Variants in ENPP3 observed in about 807,000 individuals in gnomAD.
The protein encoded by ENPP3 is ectonucleotide pyrophosphatase/phosphodiesterase 3, also known as ectonucleotide pyrophosphatase/phosphodiesterase family member 3.
Under a neutral mutation model 117.8 loss-of-function variants are expected in ENPP3, and 104 were observed. The ratio of observed to expected loss-of-function variants is 0.88; its 90% CI spans 0.75 to 1.04. ENPP3 has a LOEUF of 1.04. Ranked by LOEUF, ENPP3 falls within the 50% of genes least tolerant of loss-of-function variation. The probability of loss-of-function intolerance (pLI) is 0.00; values close to 1 mark genes in which losing one functional copy is unlikely to be tolerated. For synonymous variants in ENPP3, 380 were observed against 349.9 expected, an observed-to-expected ratio of 1.09 and a Z score of -0.96; for missense variants, 1,026 against 1,051.9, an observed-to-expected ratio of 0.98 and a Z score of 0.34.
At chr6:131,679,987 G>GCCTTGCAGGT (rs1778989592) in intron 11 of ENPP3, among the ~76,000 whole-genome samples, 1 of 152,172 alleles carries the variant, frequency 6.6e-6, no homozygotes, top group Non-Finnish European at 1.5e-5. Flanking sequence ...ATCCTGCAGG[G>GCCTTGCAGGT]CCTTGCAGGT....
rs566913948 is a variant in ENPP3 at position 131,672,392 on chromosome 6, A to G, written c.642+1065A>G. Among the ~76,000 whole-genome samples, 6 of 152,302 alleles carry G rather than the reference A, an allele frequency of 3.9e-5. No homozygotes were observed. In the East Asian group the frequency reaches 1.2e-3, roughly 29 times the overall value. ...TGGTGTTCCTAAGAGCAAGAAGGCT[A>G]TGAATTGCCTTACAGAGGAAATATG... On this transcript the variant is annotated intron_variant, in intron 7 of 24. Coordinates refer to ENST00000357639, the MANE Select transcript of ENPP3 (RefSeq NM_005021.5).
chr6:131,676,194 G>A (rs1158777930), intron 9 of ENPP3, among the ~76,000 whole-genome samples: 1 of 149,602 alleles, frequency 6.7e-6, no homozygotes, highest in Non-Finnish European at 1.5e-5. Context: ...TCTTACCCCA[G>A]TTATACTTAA....
At chr6:131,701,750 C>A (rs1343974198) in intron 15 of ENPP3, among the ~76,000 whole-genome samples, 2 of 150,568 alleles carry the variant, frequency 1.3e-5, no homozygotes, top group Admixed American at 6.6e-5. Context: ...GGCGTGGCGG[C>A]GTGTACCTGT....
At chr6:131,643,604 G>C (rs926682458) in intron 2 of ENPP3, among the ~76,000 whole-genome samples, 2 of 151,982 alleles carry the variant, frequency 1.3e-5, no homozygotes, top group Admixed American at 1.3e-4. Context: ...CCAACCCTGG[G>C]TCATTTTCAC....
chr6:131,655,809 G>A lies in ENPP3; in HGVS notation c.465-2514G>A, dbSNP rs182900334. Among the ~76,000 whole-genome samples, 354 of 152,288 alleles carry A rather than the reference G, an allele frequency of 2.3e-3. 1 individual carries two copies. Among genetic ancestry groups the A allele is most frequent in the Non-Finnish European group, 3.9e-3 (266 of 68,026 alleles). On this transcript the variant is annotated intron_variant, in intron 5 of 24. Coordinates refer to ENST00000357639, the MANE Select transcript of ENPP3 (RefSeq NM_005021.5). ...GACTGATTTGTCAATCTTGATGCAA[G>A]GCAAGACTAGAAAGGAACCTGGTGA... is the stretch of plus-strand genomic sequence containing the variant.
intron 22 of ENPP3, 26 bp downstream of exon 22, chr6:131,737,458 T>G (rs1299463635): frequency 7.7e-7 from 1 of 1,294,894 alleles, no homozygotes; most frequent in South Asian, 1.3e-5. Flanking sequence ...GAGTATTAAT[T>G]TTAAAATAGT....
At chr6:131,680,749 C>T (rs1779006211) in intron 11 of ENPP3, among the ~76,000 whole-genome samples, 1 of 152,194 alleles carries the variant, frequency 6.6e-6, no homozygotes, top group Non-Finnish European at 1.5e-5. Flanking sequence ...AAACTTATCA[C>T]TCAAACTTAT....
intron 17 of ENPP3, 26 bp from the exon 18 acceptor site, chr6:131,722,201 T>G (rs754162851): frequency 7.6e-6 from 12 of 1,583,244 alleles, no homozygotes; most frequent in South Asian, 1.1e-5. Context: ...GTAAAGCTAC[T>G]TTGAACTAAT....
intron 24 of ENPP3, among the ~76,000 whole-genome samples, chr6:131,742,597 GAACAACAAC>G (rs895799288): frequency 2.6e-5 from 4 of 151,640 alleles, no homozygotes; most frequent in Non-Finnish European, 4.4e-5. Context: ...TGATTATCCT[GAACAACAAC>G]AACAACAACA....
At position 131,722,406 on chromosome 6, in the gene ENPP3, G is replaced by A. The variant is rs1374164225; in HGVS notation, c.1746+1G>A. The A allele has an allele frequency of 5.6e-6, 9 of 1,612,024 alleles. No homozygotes were observed. Among genetic ancestry groups the A allele is most frequent in the African/African-American group, 2.7e-5 (2 of 74,758 alleles). On this transcript the variant is annotated splice_donor_variant, in intron 18 of 24. Coordinates refer to ENST00000357639, the MANE Select transcript of ENPP3 (RefSeq NM_005021.5). LOFTEE classifies it high-confidence loss of function. Reference sequence around the variant, plus strand: ...CTGTTTCTGCCCTCACCTACAAAATGTAAGTAACAACTTCATGCATCCATA... The same window carrying A: ...CTGTTTCTGCCCTCACCTACAAAATATAAGTAACAACTTCATGCATCCATA...
At chr6:131,671,790 G>A (rs1778748359) in intron 7 of ENPP3, among the ~76,000 whole-genome samples, 2 of 152,008 alleles carry the variant, frequency 1.3e-5, no homozygotes, top group South Asian at 4.1e-4. Context: ...AGCAATAAAA[G>A]CAAGTGATAT....
chr6:131,728,389 C>G (rs1459467760), intron 20 of ENPP3, among the ~76,000 whole-genome samples: 2 of 152,174 alleles, frequency 1.3e-5, no homozygotes, highest in African/African-American at 4.8e-5. Context: ...CGGAGAGATT[C>G]TAAGTGGGCT....
intron 17 of ENPP3, among the ~76,000 whole-genome samples, chr6:131,721,626 G>GAA (rs915024882): frequency 1.3e-4 from 20 of 149,358 alleles, no homozygotes; most frequent in African/African-American, 4.1e-4. Context: ...TATTTTCATA[G>GAA]AAAAAAATGA....
chr6:131,738,259 C>A, intron 23 of ENPP3, 96 bp downstream of exon 23: 1 of 918,902 alleles, frequency 1.1e-6, no homozygotes. Flanking sequence ...TTACATAATA[C>A]ATTCACAGAC....
rs114599568 is a variant in ENPP3 at position 131,723,722 on chromosome 6, G to A, written c.1747-318G>A. Among the ~76,000 whole-genome samples, 1,483 of 151,840 alleles carry A rather than the reference G, an allele frequency of 9.8e-3. 19 individuals carry two copies. The highest frequency in any genetic ancestry group is 0.034 in the African/African-American group (1,394 of 41,364). ...GCATATTAAAGCTTAAGGAGCACTG[G>A]GATGTTGTCACCCAACTTAGTCATT... is the stretch of plus-strand genomic sequence containing the variant. On this transcript the variant is annotated intron_variant, in intron 18 of 24. Transcript: ENST00000357639.
intron 11 of ENPP3, among the ~76,000 whole-genome samples, chr6:131,678,247 C>T (rs1488392353): frequency 6.6e-6 from 1 of 152,182 alleles, no homozygotes; most frequent in Non-Finnish European, 1.5e-5. Flanking sequence ...AGGCTAGATA[C>T]TATACAAGCC....
intron 15 of ENPP3, among the ~76,000 whole-genome samples, chr6:131,704,533 AG>A (rs1438624931): frequency 6.6e-6 from 1 of 151,962 alleles, no homozygotes; most frequent in Non-Finnish European, 1.5e-5. Flanking sequence ...GCTCTGTAAA[AG>A]CACAGGGCCA....
intron 6 of ENPP3, among the ~76,000 whole-genome samples, chr6:131,659,207 G>A (rs929930240): frequency 6.6e-6 from 1 of 152,166 alleles, no homozygotes; most frequent in Non-Finnish European, 1.5e-5. Context: ...TAGCACTTTG[G>A]GAGGTGGAGG....
At chr6:131,733,747 C>G (rs376153998) in intron 21 of ENPP3, 24 bp downstream of exon 21, 36 of 1,610,752 alleles carry the variant, frequency 2.2e-5, no homozygotes, top group Non-Finnish European at 2.5e-5. Context: ...TTTTTTAGAG[C>G]AGTAGCTTAG....
Sources: allele counts gnomAD v4.1 joint callset (sites outside exome capture counted in the v4.1 genomes callset), GRCh38; gene constraint gnomAD v4.1.1; transcripts MANE v1.5; gene names NCBI Gene and HGNC (gene_info 2026-07-23, HGNC 2026-07-21).